The following PEX5 variants were observed in gnomAD, a reference collection of about 807,000 sequenced individuals.
PEX5 encodes peroxisomal biogenesis factor 5, also known as PTS1 receptor.
PEX5 carries 52 observed loss-of-function variants against 82.9 expected under a neutral mutation model. That is an observed-to-expected ratio of 0.63 (90% CI 0.50 to 0.79). The LOEUF (loss-of-function observed/expected upper bound fraction) is 0.79. PEX5 is among the 30% of genes least tolerant of loss of function. PEX5 has a pLI of 0.00. For missense variants in PEX5, 719 were observed against 815.2 expected, an observed-to-expected ratio of 0.88 and a Z score of 1.44; for synonymous variants, 300 against 318.8, an observed-to-expected ratio of 0.94 and a Z score of 0.63.
downstream of PEX5, among the ~76,000 whole-genome samples, chr12:7,213,880 GA>G (rs960681756): frequency 2.6e-5 from 4 of 151,140 alleles, no homozygotes; most frequent in Non-Finnish European, 4.4e-5. Context: ...AAATTTACAA[GA>G]AAAAAACAAC....
chr12:7,202,023 C>T (rs1944128798), intron 7 of PEX5, 182 bp downstream of exon 7: 7 of 771,136 alleles, frequency 9.1e-6, no homozygotes, highest in Non-Finnish European at 1.3e-5. Flanking sequence ...TCCCTCATCT[C>T]CTTGCCTACT....
At chr12:7,193,810 AG>A (rs1158664805) in intron 5 of PEX5, among the ~76,000 whole-genome samples, 1 of 152,238 alleles carries the variant, frequency 6.6e-6, no homozygotes, top group African/African-American at 2.4e-5. Flanking sequence ...AAAGAACTTT[AG>A]AAAAACATGT....
At position 7,190,174 on chromosome 12, in the gene PEX5, G is replaced by A. The variant is rs929351236; in HGVS notation, c.-16-188G>A. 14 of 1,501,792 alleles carry A rather than the reference G, an allele frequency of 9.3e-6. No homozygotes were observed. In the African/African-American group the frequency reaches 1.4e-4, roughly 15 times the overall value. The allele number at this position is 1,501,792 out of a possible 1,614,324, so 93.0% of individuals were successfully genotyped here. On this transcript the variant is annotated intron_variant, in intron 1 of 15. Transcript: ENST00000675855. ...CTGGAAGCGGTGGCCTTTGAGGGGGGCGGCAGGAGAGAGTACCGACCTCCC... is the reference window on the plus strand; with the variant it reads ...CTGGAAGCGGTGGCCTTTGAGGGGGACGGCAGGAGAGAGTACCGACCTCCC...
At chr12:7,194,312 A>G (rs776465355) in intron 5 of PEX5, among the ~76,000 whole-genome samples, 1 of 152,226 alleles carries the variant, frequency 6.6e-6, no homozygotes, top group South Asian at 2.1e-4. Flanking sequence ...GTTTCACTGG[A>G]AGTTGAAAAA....
At chr12:7,214,049 C>T (rs1398335530), downstream of PEX5, among the ~76,000 whole-genome samples, 1 of 152,134 alleles carries the variant, frequency 6.6e-6, no homozygotes, top group Non-Finnish European at 1.5e-5. Flanking sequence ...GTTAGAATGG[C>T]AGTCATTAAA....
intron 17 of PEX5, among the ~76,000 whole-genome samples, chr12:7,216,697 T>G (rs922279963): frequency 4.6e-5 from 7 of 152,192 alleles, no homozygotes; most frequent in African/African-American, 1.7e-4. Flanking sequence ...CAAAACAACT[T>G]TTAGAAACTT....
At chr12:7,208,798 A>G (rs1945149015) in intron 13 of PEX5, 129 bp downstream of exon 13, 1 of 935,316 alleles carries the variant, frequency 1.1e-6, no homozygotes, top group African/African-American at 1.6e-5. Flanking sequence ...GAAACCTAGG[A>G]TCAAGTTGAA....
Position 7,210,242 on chromosome 12 carries a change from T to A in PEX5, c.*19T>A. The A allele has an allele frequency of 6.2e-7, 1 of 1,610,154 alleles. No homozygotes were observed. The highest frequency in any genetic ancestry group is 8.5e-7 in the Non-Finnish European group (1 of 1,176,784). ...CCAGTGACAGTGGGACGGGCTGCCCTGTGAGTGTCCACCTGGAGGGATCCC... is the reference window on the plus strand; with the variant it reads ...CCAGTGACAGTGGGACGGGCTGCCCAGTGAGTGTCCACCTGGAGGGATCCC... On this transcript the variant is annotated 3_prime_UTR_variant, in exon 16 of 16. Coordinates refer to ENST00000675855, the MANE Select transcript of PEX5 (RefSeq NM_001351132.2).
intron 5 of PEX5, 122 bp downstream of exon 5, chr12:7,191,822 T>G: frequency 1.1e-6 from 1 of 913,344 alleles, no homozygotes; most frequent in African/African-American, 1.6e-5. Flanking sequence ...TCTAGAGGGG[T>G]AGGGTACTGA....
At chr12:7,196,408 T>C (rs1036864524) in intron 5 of PEX5, among the ~76,000 whole-genome samples, 3 of 120,342 alleles carry the variant, frequency 2.5e-5, no homozygotes, top group Non-Finnish European at 5.4e-5. Flanking sequence ...ATATGTGTCA[T>C]ATATAATGTA....
chr12:7,191,122 T>C, intron 3 of PEX5, 104 bp from the exon 4 acceptor site: 1 of 1,378,924 alleles, frequency 7.3e-7, no homozygotes, highest in East Asian at 2.3e-5. Context: ...TTTCTGTGTT[T>C]TCCTTTCCTT....
intron 5 of PEX5, among the ~76,000 whole-genome samples, chr12:7,197,158 CAT>C (rs1200970201): frequency 9.5e-6 from 1 of 105,292 alleles, no homozygotes; most frequent in African/African-American, 3.8e-5. Flanking sequence ...TTATATATGT[CAT>C]ATATAATGTA....
At chr12:7,190,298 G>T in intron 1 of PEX5, 64 bp from the exon 2 acceptor site, 1 of 1,600,808 alleles carries the variant, frequency 6.2e-7, no homozygotes, top group East Asian at 2.2e-5. Flanking sequence ...GATACGGGCA[G>T]AGTTGTGGAT....
At chr12:7,211,863 T>C (rs1388585159), downstream of PEX5, among the ~76,000 whole-genome samples, 3 of 152,080 alleles carry the variant, frequency 2.0e-5, no homozygotes, top group Non-Finnish European at 4.4e-5. Context: ...CATATCAAGA[T>C]GGGTATTTAT....
At chr12:7,190,105 A>G (rs992955261) in intron 1 of PEX5, 1 of 1,487,228 alleles carries the variant, frequency 6.7e-7, no homozygotes, top group African/African-American at 1.4e-5. Flanking sequence ...GCTGGCCCCC[A>G]GCCCATGGGA....
chr12:7,191,759 T>TC lies in PEX5; in HGVS notation c.448+63dup, dbSNP rs1941179298. 5 of 1,497,782 alleles carry TC rather than the reference T, an allele frequency of 3.3e-6. No homozygotes were observed. In the South Asian group the frequency reaches 5.7e-5, roughly 17 times the overall value. 92.8% of individuals were successfully genotyped at this position (1,497,782 alleles called of 1,614,324 possible). A position where few individuals can be genotyped will look rare whatever the true frequency, so the allele number is the denominator to read the frequency against. ...TCTATGGGACAGAATTCTATACCCT[T>TC]CCCCTGTTCACGTTATAGTGTGATT... On this transcript the variant is annotated intron_variant, in intron 5 of 15. Coordinates refer to ENST00000675855, the MANE Select transcript of PEX5 (RefSeq NM_001351132.2).
chr12:7,194,793 C>A (rs893163814), intron 5 of PEX5, among the ~76,000 whole-genome samples: 3 of 152,170 alleles, frequency 2.0e-5, no homozygotes, highest in African/African-American at 7.2e-5. Flanking sequence ...ATAGCAGTAG[C>A]AGAAGATAAT....
At position 7,202,704 on chromosome 12, in the gene PEX5, G is replaced by A; in HGVS notation, c.846G>A (p.Glu282=). The change falls in exon 9 of 16, where the codon GAG becomes GAA. Residue 282 remains glutamate (E), a splice_region_variant and synonymous_variant. Coordinates refer to ENST00000675855, the MANE Select transcript of PEX5 (RefSeq NM_001351132.2). Reference sequence around the variant, plus strand: ...TTGAACGAGCCAAGTCAGCTATAGAGGTGAGAGCAGATAGTGCAGGAGCAG... The same window carrying A: ...TTGAACGAGCCAAGTCAGCTATAGAAGTGAGAGCAGATAGTGCAGGAGCAG... ...MEFERAKSAI[E]SDVDFWDKLQ... 6.2e-7 allele frequency: 1 copy of A among 1,609,460 alleles called. No homozygotes were observed. Among genetic ancestry groups the A allele is most frequent in the South Asian group, 1.1e-5 (1 of 90,994 alleles).
At chr12:7,195,986 CA>C (rs1472110119) in intron 5 of PEX5, among the ~76,000 whole-genome samples, 2 of 145,766 alleles carry the variant, frequency 1.4e-5, no homozygotes, top group South Asian at 2.1e-4. Context: ...GATCTATGGT[CA>C]AAAAAAATTG....
Sources: gnomAD v4.1 joint callset for allele counts (sites outside exome capture counted in the v4.1 genomes callset) on GRCh38, gnomAD v4.1.1 for gene constraint, MANE v1.5 for transcripts, NCBI Gene and HGNC (gene_info 2026-07-23, HGNC 2026-07-21) for gene names.